Variants in SLC7A14 observed in about 807,000 individuals in gnomAD.
SLC7A14 encodes gamma-aminobutyric acid transporter SLC7A14.
In SLC7A14, 37 loss-of-function variants were observed where a neutral mutation model predicts 60.2. The ratio of observed to expected loss-of-function variants is 0.61; its 90% CI spans 0.47 to 0.81. The LOEUF (loss-of-function observed/expected upper bound fraction) is 0.81. Among genes scored for constraint, SLC7A14 ranks in the 30% least tolerant of loss-of-function variants. The pLI is 0.00. For missense variants in SLC7A14, 886 were observed against 982.7 expected (o/e 0.90, Z 1.32); for synonymous variants, 399 against 395.8 (o/e 1.01, Z -0.10).
At position 170,585,341 on chromosome 3, in the gene SLC7A14, C is replaced by T. The variant is rs1027755369; in HGVS notation, c.-153+570G>A. Among the ~76,000 whole-genome samples, 1 of 152,168 alleles carries T rather than the reference C, an allele frequency of 6.6e-6. No individual in the cohort carries two copies. Among genetic ancestry groups the T allele is most frequent in the Admixed American group, 6.5e-5 (1 of 15,290 alleles). ...CCCCTCGGGGCGCCACCATCCTGGT[C>T]GGGGTGCTGGGCTCGGCGGGAGTCC... On this transcript the variant is annotated intron_variant, in intron 1 of 7. Transcript: ENST00000231706. The surrounding 1 kb of genome is among the most constrained non-coding windows in gnomAD (Gnocchi z 5.1).
intron 1 of SLC7A14, among the ~76,000 whole-genome samples, chr3:170,555,032 G>A (rs1714450270): frequency 6.6e-6 from 1 of 152,026 alleles, no homozygotes; most frequent in South Asian, 2.1e-4. Flanking sequence ...GCCGGGCATG[G>A]TGGTGCACAC....
chr3:170,545,250 C>T (rs957041774), intron 1 of SLC7A14, among the ~76,000 whole-genome samples: 2 of 152,202 alleles, frequency 1.3e-5, no homozygotes, highest in African/African-American at 4.8e-5. Flanking sequence ...AGCCAGGATG[C>T]CAGCTTCCGT....
At chr3:170,530,876 CGAG>C (rs1326282128) in intron 1 of SLC7A14, among the ~76,000 whole-genome samples, 1 of 152,192 alleles carries the variant, frequency 6.6e-6, no homozygotes, top group African/African-American at 2.4e-5. Flanking sequence ...CTGCTGGAAT[CGAG>C]GAGAGAGGCC....
At chr3:170,511,982 G>C (rs1369620225) in intron 2 of SLC7A14, among the ~76,000 whole-genome samples, 1 of 152,144 alleles carries the variant, frequency 6.6e-6, no homozygotes, top group African/African-American at 2.4e-5. Context: ...TCTTATAACT[G>C]GACTAAAAAG....
In SLC7A14 at chr3:170,496,058, G is replaced by A. The variant is rs183095540; in HGVS notation, c.759+2609C>T. The A allele has an allele frequency of 4.0e-6, 5 of 1,260,576 alleles. No individual in the cohort carries two copies. In the Admixed American group the frequency reaches 8.4e-5, roughly 21 times the overall value. 78.1% of individuals were successfully genotyped at this position (1,260,576 alleles called of 1,614,324 possible). The stretch of plus-strand genomic sequence containing the variant: ...ATGAAGCTTACATGAACAAGGCAGA[G>A]CTGGAGTCTCGCCTGGAAGGGCTGA... On this transcript the variant is annotated intron_variant, in intron 4 of 7. Transcript: ENST00000231706.
intron 1 of SLC7A14, among the ~76,000 whole-genome samples, chr3:170,549,268 G>A (rs1714270637): frequency 6.9e-6 from 1 of 144,890 alleles, no homozygotes; most frequent in African/African-American, 2.6e-5. Context: ...AGACTAGAGT[G>A]CAGTGGCACG....
chr3:170,496,441 A>G (rs1190889409), intron 4 of SLC7A14: 1 of 1,263,098 alleles, frequency 7.9e-7, no homozygotes, highest in Non-Finnish European at 1.2e-6. Context: ...CCCATCGCAG[A>G]TACCGAGCAG....
At chr3:170,570,929 C>T (rs1477270463) in intron 1 of SLC7A14, among the ~76,000 whole-genome samples, 1 of 151,946 alleles carries the variant, frequency 6.6e-6, no homozygotes, top group Non-Finnish European at 1.5e-5. Flanking sequence ...GCTTTTAGTG[C>T]ACCCATCACC....
chr3:170,567,891 G>A (rs1714838748), intron 1 of SLC7A14, among the ~76,000 whole-genome samples: 1 of 150,502 alleles, frequency 6.6e-6, no homozygotes. Context: ...TGAGTTCATT[G>A]TAGATTCTGG....
chr3:170,581,001 G>A (rs888562700), intron 1 of SLC7A14, among the ~76,000 whole-genome samples: 4 of 152,318 alleles, frequency 2.6e-5, no homozygotes, highest in East Asian at 3.9e-4. Context: ...CAAAGTGCGG[G>A]AGTAGGTCAT....
intron 2 of SLC7A14, among the ~76,000 whole-genome samples, chr3:170,514,701 A>G (rs1713095789): frequency 6.6e-6 from 1 of 152,108 alleles, no homozygotes; most frequent in African/African-American, 2.4e-5. Context: ...GTAGGAGGCA[A>G]GTCTACCCAT....
chr3:170,496,767 T>C, intron 4 of SLC7A14: 1 of 728,468 alleles, frequency 1.4e-6, no homozygotes, highest in Non-Finnish European at 2.5e-6. Context: ...GCTTTGGCTC[T>C]GTCGCGGGCT....
chr3:170,513,763 G>T (rs1175481414), intron 2 of SLC7A14, among the ~76,000 whole-genome samples: 2 of 152,166 alleles, frequency 1.3e-5, no homozygotes, highest in African/African-American at 4.8e-5. Flanking sequence ...CTTGCTGTTT[G>T]CTCTTCTCCA....
In SLC7A14 at chr3:170,541,920, T is replaced by A. The variant is rs539852394; in HGVS notation, c.-152-14832A>T. On this transcript the variant is annotated intron_variant, in intron 1 of 7. Transcript: ENST00000231706. ...AAACAAAACACAGAAGCTCCCAGAA[T>A]AACGTGCATGCTCCTGTTCCTGATC... is the stretch of plus-strand genomic sequence containing the variant. Among the ~76,000 whole-genome samples, 3 of 152,334 alleles carry A rather than the reference T, an allele frequency of 2.0e-5. No homozygotes were observed. In the East Asian group the frequency reaches 5.8e-4, roughly 29 times the overall value.
At chr3:170,471,793 T>C (rs1241091379) in intron 7 of SLC7A14, among the ~76,000 whole-genome samples, 1 of 152,226 alleles carries the variant, frequency 6.6e-6, no homozygotes, top group African/African-American at 2.4e-5. Flanking sequence ...ATAAGATGGC[T>C]GATTCACAAA....
chr3:170,549,062 T>C (rs930621992), intron 1 of SLC7A14, among the ~76,000 whole-genome samples: 5 of 152,110 alleles, frequency 3.3e-5, no homozygotes, highest in African/African-American at 1.2e-4. Flanking sequence ...ACTATAAATA[T>C]TTTCACATTT....
intron 1 of SLC7A14, among the ~76,000 whole-genome samples, chr3:170,571,529 T>C (rs1022914570): frequency 2.0e-5 from 3 of 152,212 alleles, no homozygotes; most frequent in African/African-American, 7.2e-5. Context: ...ACAATAAATC[T>C]TGAACATAAT....
intron 7 of SLC7A14, among the ~76,000 whole-genome samples, chr3:170,469,834 T>C (rs1465396904): frequency 1.3e-5 from 2 of 152,132 alleles, no homozygotes; most frequent in Non-Finnish European, 2.9e-5. Flanking sequence ...CTGAACTTAA[T>C]ACCATCTTTT....
chr3:170,550,872 A>T (rs1714328890), intron 1 of SLC7A14, among the ~76,000 whole-genome samples: 1 of 152,048 alleles, frequency 6.6e-6, no homozygotes, highest in Non-Finnish European at 1.5e-5. Flanking sequence ...TTCAGCACAT[A>T]TATTTTTTAA....
Sources: gnomAD v4.1 joint callset for allele counts (sites outside exome capture counted in the v4.1 genomes callset) on GRCh38, gnomAD v4.1.1 for gene constraint, Gnocchi (gnomAD v3.1) non-coding constraint, MANE v1.5 for transcripts, NCBI Gene and HGNC (gene_info 2026-07-23, HGNC 2026-07-21) for gene names.